POPDC1: variants seen among roughly 807,000 people sequenced by gnomAD.
POPDC1 encodes popeye domain-containing protein 1.
the POPDC1 span, among the ~76,000 whole-genome samples, chr6:105,110,473 A>C: frequency 9.2e-5 from 14 of 152,200 alleles, no homozygotes; most frequent in African/African-American, 3.4e-4. Flanking sequence ...GGAATGAAAC[A>C]CAAATTGAGC....
At chr6:105,117,377 G>A in the POPDC1 span, among the ~76,000 whole-genome samples, 1 of 152,154 alleles carries the variant, frequency 6.6e-6, no homozygotes, top group Non-Finnish European at 1.5e-5. Context: ...GATGAATACG[G>A]CTGGTGAGGG....
the POPDC1 span, among the ~76,000 whole-genome samples, chr6:105,119,184 CA>C: frequency 1.8e-4 from 20 of 111,260 alleles, no homozygotes; most frequent in South Asian, 3.2e-4. Context: ...GACTCCCTCT[CA>C]AAAAAAAAAA....
chr6:105,119,184 CAAAA>C, the POPDC1 span, among the ~76,000 whole-genome samples: 1 of 111,300 alleles, frequency 9.0e-6, no homozygotes, highest in Non-Finnish European at 1.7e-5. Flanking sequence ...GACTCCCTCT[CAAAA>C]AAAAAAAAAA....
At chr6:105,120,064 CCCGG>C in the POPDC1 span, among the ~76,000 whole-genome samples, 2 of 2,048 alleles carry the variant, frequency 9.8e-4, 1 homozygote, top group Non-Finnish European at 5.0e-3. Context: ...TCGAGACCAT[CCCGG>C]CTAAAACGGT....
the POPDC1 span, among the ~76,000 whole-genome samples, chr6:105,122,482 C>T: frequency 6.6e-6 from 1 of 152,174 alleles, no homozygotes; most frequent in Non-Finnish European, 1.5e-5. Context: ...TAAATACAAT[C>T]TGAAGTCCAG....
the POPDC1 span, among the ~76,000 whole-genome samples, chr6:105,135,644 C>A: frequency 6.6e-6 from 1 of 151,894 alleles, no homozygotes; most frequent in African/African-American, 2.4e-5. Flanking sequence ...ACCCAAGAAC[C>A]AGAAAATATT....
At chr6:105,100,289 C>A in the POPDC1 span, 1 of 151,754 alleles carries the variant, frequency 6.6e-6, no homozygotes, top group East Asian at 1.9e-4. Context: ...GTGGGCGGAT[C>A]ACGAGGTCAG....
the POPDC1 span, among the ~76,000 whole-genome samples, chr6:105,107,120 C>G: frequency 1.3e-5 from 2 of 152,076 alleles, no homozygotes; most frequent in African/African-American, 4.8e-5. Context: ...ATTACCCTTT[C>G]CAGCCTCTGA....
At chr6:105,106,034 G>C in the POPDC1 span, among the ~76,000 whole-genome samples, 130,310 of 151,878 alleles carry the variant, frequency 0.86, 57,457 homozygotes, top group Non-Finnish European at 0.96. Context: ...GGGAGGCAGA[G>C]TGGTTAACTC....
the POPDC1 span, chr6:105,124,735 C>T: frequency 6.2e-5 from 64 of 1,039,628 alleles, no homozygotes; most frequent in East Asian, 5.1e-4. Context: ...TCATCTTATG[C>T]GATTTTATTT....
the POPDC1 span, among the ~76,000 whole-genome samples, chr6:105,104,446 C>CTTAA: frequency 6.6e-6 from 1 of 152,108 alleles, no homozygotes; most frequent in African/African-American, 2.4e-5. Flanking sequence ...TGATAATGTC[C>CTTAA]TTAAGTACAC....
At chr6:105,135,611 A>G in the POPDC1 span, among the ~76,000 whole-genome samples, 1 of 152,204 alleles carries the variant, frequency 6.6e-6, no homozygotes, top group Non-Finnish European at 1.5e-5. Context: ...TCCAAGAAAA[A>G]TGACAGGAAA....
At chr6:105,129,114 G>A in the POPDC1 span, among the ~76,000 whole-genome samples, 3 of 152,052 alleles carry the variant, frequency 2.0e-5, no homozygotes, top group African/African-American at 7.2e-5. Context: ...AAAAAATCAA[G>A]TAATATGACT....
At chr6:105,115,634 C>G in the POPDC1 span, 10 of 1,598,318 alleles carry the variant, frequency 6.3e-6, no homozygotes, top group Non-Finnish European at 8.5e-6. Context: ...TTGTCTATGT[C>G]CAGAGATACC....
chr6:105,116,899 A>G, the POPDC1 span: 2 of 1,597,366 alleles, frequency 1.3e-6, no homozygotes, highest in African/African-American at 1.3e-5. Flanking sequence ...CAAAGAATAA[A>G]GTACATCTAT....
At chr6:105,129,229 C>T in the POPDC1 span, 701 of 525,252 alleles carry the variant, frequency 1.3e-3, 8 homozygotes, top group African/African-American at 0.019. Context: ...GTTTCACTTT[C>T]AGGCATAATG....
chr6:105,125,411 C>A, the POPDC1 span: 1 of 1,614,204 alleles, frequency 6.2e-7, no homozygotes, highest in Non-Finnish European at 8.5e-7. Flanking sequence ...AGAGAATACT[C>A]AGACGGTCAT....
At chr6:105,117,562 T>C in the POPDC1 span, among the ~76,000 whole-genome samples, 3 of 152,124 alleles carry the variant, frequency 2.0e-5, no homozygotes, top group African/African-American at 4.8e-5. Flanking sequence ...GAAACAGAGC[T>C]CAAGTATCCC....
At chr6:105,103,058 A>G in the POPDC1 span, among the ~76,000 whole-genome samples, 16 of 152,352 alleles carry the variant, frequency 1.1e-4, no homozygotes, top group South Asian at 4.1e-4. Context: ...CATGCAGGTG[A>G]CATCAAACAC....
Sources: allele counts gnomAD v4.1 joint callset (sites outside exome capture counted in the v4.1 genomes callset), GRCh38; gene constraint gnomAD v4.1.1; transcripts MANE v1.5; gene names NCBI Gene and HGNC (gene_info 2026-07-23, HGNC 2026-07-21).